ZDHHC21: variants seen among roughly 807,000 people sequenced by gnomAD.
ZDHHC21 encodes palmitoyltransferase ZDHHC21.
A neutral mutation model predicts 34.6 loss-of-function variants in ZDHHC21; 15 were observed. The ratio of observed to expected loss-of-function variants is 0.43; its 90% CI spans 0.29 to 0.67. The LOEUF (loss-of-function observed/expected upper bound fraction) is 0.67, where lower values mean the gene tolerates loss of function less well. Among genes scored for constraint, ZDHHC21 ranks in the 30% least tolerant of loss-of-function variants. The pLI, the probability that ZDHHC21 is intolerant of heterozygous loss-of-function variation, is 0.14. For missense variants in ZDHHC21, 344 were observed against 327.7 expected (o/e 1.05, Z -0.38); for synonymous variants, 142 against 101.8 (o/e 1.40, Z -2.38).
At chr9:14,692,046 C>T (rs140744698) in intron 1 of ZDHHC21, among the ~76,000 whole-genome samples, 15 of 152,330 alleles carry the variant, frequency 9.8e-5, no homozygotes, top group African/African-American at 3.4e-4. Flanking sequence ...CTTTCCACGA[C>T]ACCAAATCTC....
chr9:14,657,798 T>A (rs1010948811), intron 7 of ZDHHC21, among the ~76,000 whole-genome samples: 1 of 152,208 alleles, frequency 6.6e-6, no homozygotes, highest in African/African-American at 2.4e-5. Context: ...TCTCTGTCGC[T>A]TAAAAAAATT....
chr9:14,591,286 G>A, the ZDHHC21 span, among the ~76,000 whole-genome samples: 11 of 152,130 alleles, frequency 7.2e-5, no homozygotes, highest in Middle Eastern at 3.4e-3. Flanking sequence ...GTGACCTTTA[G>A]GAGATTATTA....
intron 7 of ZDHHC21, among the ~76,000 whole-genome samples, chr9:14,646,564 T>G (rs1180605528): frequency 1.3e-5 from 2 of 152,026 alleles, no homozygotes; most frequent in Non-Finnish European, 2.9e-5. Flanking sequence ...TCTGATCTCA[T>G]CTACCACTTT....
chr9:14,666,041 G>C (rs1172260357), intron 5 of ZDHHC21, among the ~76,000 whole-genome samples: 1 of 149,896 alleles, frequency 6.7e-6, no homozygotes, highest in Non-Finnish European at 1.5e-5. Context: ...CCAATTAAAA[G>C]ACACAGACTG....
chr9:14,589,741 A>G, the ZDHHC21 span: 1 of 152,246 alleles, frequency 6.6e-6, no homozygotes. Flanking sequence ...ACTAGGTTTT[A>G]TTATACTTGA....
At chr9:14,653,417 T>C (rs1207119083) in intron 7 of ZDHHC21, among the ~76,000 whole-genome samples, 1 of 152,046 alleles carries the variant, frequency 6.6e-6, no homozygotes, top group African/African-American at 2.4e-5. Context: ...AAAAACACAG[T>C]AAATGTAATT....
At chr9:14,625,116 A>G (rs758241923) in intron 8 of ZDHHC21, among the ~76,000 whole-genome samples, 3 of 152,026 alleles carry the variant, frequency 2.0e-5, no homozygotes, top group Non-Finnish European at 2.9e-5. Context: ...TTTCCATAGC[A>G]CTTAGCAGCA....
intron 6 of ZDHHC21, among the ~76,000 whole-genome samples, chr9:14,659,679 G>A (rs554474214): frequency 1.3e-5 from 2 of 152,178 alleles, no homozygotes; most frequent in Non-Finnish European, 2.9e-5. Context: ...AAGAAACGAT[G>A]TAACAGGTTT....
At chr9:14,657,819 T>C (rs1366531505) in intron 7 of ZDHHC21, among the ~76,000 whole-genome samples, 1 of 152,158 alleles carries the variant, frequency 6.6e-6, no homozygotes, top group Admixed American at 6.5e-5. Context: ...ATTACCTTAA[T>C]CTTACTGAGG....
chr9:14,658,320 C>T (rs367741460), intron 7 of ZDHHC21, among the ~76,000 whole-genome samples: 1 of 151,190 alleles, frequency 6.6e-6, no homozygotes, highest in East Asian at 1.9e-4. Flanking sequence ...CAATATAGTT[C>T]AAAATTCACC....
chr9:14,635,939 T>C (rs62532735), intron 8 of ZDHHC21, among the ~76,000 whole-genome samples: 17,933 of 152,102 alleles, frequency 0.12, 1,142 homozygotes, highest in Non-Finnish European at 0.15. Flanking sequence ...ACTCTAATGT[T>C]ACCACTACAC....
At chr9:14,655,821 T>C (rs1832104907) in intron 7 of ZDHHC21, among the ~76,000 whole-genome samples, 1 of 150,610 alleles carries the variant, frequency 6.6e-6, no homozygotes, top group African/African-American at 2.4e-5. Context: ...ATACCAGTTA[T>C]ACTAAGTAAA....
In ZDHHC21 at chr9:14,647,508, C is replaced by T. The variant is rs916837561; in HGVS notation, c.505-7496G>A. 2.0e-5 allele frequency among the ~76,000 whole-genome samples: 3 copies of T among 152,062 alleles called. No homozygotes were observed. The East Asian group carries it at 5.8e-4, about 29-fold the overall frequency. On this transcript the variant is annotated intron_variant, in intron 7 of 9. Transcript: ENST00000380916. ...TATGTCACCTTATGAATACCACATG[C>T]TTTCTTTTGAGCTAACTCCCTGTTG...
intron 3 of ZDHHC21, among the ~76,000 whole-genome samples, chr9:14,674,835 C>T (rs1349233702): frequency 6.6e-6 from 1 of 151,854 alleles, no homozygotes; most frequent in African/African-American, 2.4e-5. Flanking sequence ...CTTGTGGTTG[C>T]AGGGGTGTAT....
chr9:14,627,191 C>G (rs1431857821), intron 8 of ZDHHC21, among the ~76,000 whole-genome samples: 1 of 152,082 alleles, frequency 6.6e-6, no homozygotes. Context: ...GCAAGTAAAT[C>G]GACTGATTCG....
chr9:14,622,538 G>A, intron 8 of ZDHHC21: 5 of 985,224 alleles, frequency 5.1e-6, no homozygotes, highest in Non-Finnish European at 6.0e-6. Context: ...CTGGTTAACA[G>A]ACCTGAGAAC....
intron 2 of ZDHHC21, among the ~76,000 whole-genome samples, chr9:14,683,312 T>C (rs1837711605): frequency 7.4e-6 from 1 of 135,064 alleles, no homozygotes; most frequent in African/African-American, 2.6e-5. Context: ...GCAAGACTAA[T>C]AAAGAAGAAA....
intron 6 of ZDHHC21, among the ~76,000 whole-genome samples, chr9:14,661,925 T>C (rs1833470083): frequency 6.6e-6 from 1 of 152,234 alleles, no homozygotes; most frequent in Non-Finnish European, 1.5e-5. Context: ...AGTAAATGTT[T>C]TATATACATT....
At chr9:14,656,263 A>C (rs1832188765) in intron 7 of ZDHHC21, among the ~76,000 whole-genome samples, 1 of 152,072 alleles carries the variant, frequency 6.6e-6, no homozygotes, top group Non-Finnish European at 1.5e-5. Context: ...AAGTTTAGTT[A>C]TAATTCTGGT....
Sources: gnomAD v4.1 joint callset for allele counts (sites outside exome capture counted in the v4.1 genomes callset) on GRCh38, gnomAD v4.1.1 for gene constraint, MANE v1.5 for transcripts, NCBI Gene and HGNC (gene_info 2026-07-23, HGNC 2026-07-21) for gene names.